KMT2E: variants seen among roughly 807,000 people sequenced by gnomAD.
The protein encoded by KMT2E is histone reader KMT2E.
A neutral mutation model predicts 184.6 loss-of-function variants in KMT2E; 30 were observed. That is an observed-to-expected ratio of 0.16 (90% CI 0.12 to 0.22). The LOEUF (loss-of-function observed/expected upper bound fraction) is 0.22, where lower values mean the gene tolerates loss of function less well. Ranked by LOEUF, KMT2E falls within the 10% of genes least tolerant of loss-of-function variation. KMT2E has a pLI of 1.00. For missense variants in KMT2E, 2,023 were observed against 2,237.4 expected (o/e 0.90, Z 1.93); for synonymous variants, 815 against 776.5 (o/e 1.05, Z -0.82).
chr7:105,042,461 A>G (rs763812621), intron 3 of KMT2E, among the ~76,000 whole-genome samples: 7 of 152,196 alleles, frequency 4.6e-5, no homozygotes, highest in Non-Finnish European at 1.5e-5. Context: ...AATGTGTTTT[A>G]TATAAAATAT....
In KMT2E at chr7:105,110,337, TC is replaced by T. The variant is rs1562934737; in HGVS notation, c.3814del (p.Leu1272SerfsTer83). ...AAAGGAGTTATCAGAGAGCTTTACT[TC>T]TCAGTGATCACCGAAAAGATAAAGA... is the stretch of plus-strand genomic sequence containing the variant. Reference protein sequence around the residue: ...RERSYQRALLLSDHRKDKDSG... With the variant: ...RERSYQRALLXSDHRKDKDSG... On this transcript the variant is annotated frameshift_variant, in exon 24 of 27. Transcript: ENST00000311117. LOFTEE classifies it high-confidence loss of function. 1 of 1,614,154 alleles carries T rather than the reference TC, an allele frequency of 6.2e-7. No individual in the cohort carries two copies. Among genetic ancestry groups the T allele is most frequent in the Non-Finnish European group, 8.5e-7 (1 of 1,180,004 alleles).
chr7:105,089,206 TG>T, intron 13 of KMT2E: 1 of 406,294 alleles, frequency 2.5e-6, no homozygotes, highest in South Asian at 1.7e-5. Context: ...AAACTTTTTT[TG>T]TTTTTTTTCT....
intron 1 of KMT2E, among the ~76,000 whole-genome samples, chr7:105,029,283 T>C (rs1381011722): frequency 6.6e-6 from 1 of 152,176 alleles, no homozygotes; most frequent in East Asian, 1.9e-4. Flanking sequence ...TGGATTGCCA[T>C]AGGTCATTTC....
intron 5 of KMT2E, chr7:105,064,174 T>G (rs1221799041): frequency 3.4e-6 from 1 of 292,500 alleles, no homozygotes. Flanking sequence ...GTTTTTTTTT[T>G]TTTTTTTTTT....
chr7:105,016,619 C>T (rs898724225), intron 1 of KMT2E, among the ~76,000 whole-genome samples: 1 of 152,092 alleles, frequency 6.6e-6, no homozygotes, highest in Non-Finnish European at 1.5e-5. Flanking sequence ...AATTCACTTT[C>T]GTAGTGGGAG....
intron 1 of KMT2E, among the ~76,000 whole-genome samples, chr7:105,015,110 C>A (rs1204010889): frequency 6.6e-6 from 1 of 152,130 alleles, no homozygotes; most frequent in Non-Finnish European, 1.5e-5. Context: ...GAGGGTAAAC[C>A]CGCCCCTGAA....
chr7:105,107,974 T>TTTCATAA, intron 22 of KMT2E, 49 bp downstream of exon 22: 8 of 1,263,948 alleles, frequency 6.3e-6, no homozygotes, highest in Non-Finnish European at 8.6e-6. Context: ...TTTTTTTTTT[T>TTTCATAA]TCATAATACT....
chr7:105,058,729 T>C (rs912334085), intron 3 of KMT2E, among the ~76,000 whole-genome samples: 1 of 152,228 alleles, frequency 6.6e-6, no homozygotes, highest in African/African-American at 2.4e-5. Context: ...ATATTGGGAA[T>C]AATTTCATTA....
At chr7:105,097,559 G>C (rs569237437) in intron 15 of KMT2E, among the ~76,000 whole-genome samples, 1 of 152,064 alleles carries the variant, frequency 6.6e-6, no homozygotes, top group South Asian at 2.1e-4. Flanking sequence ...CTAATTTTTT[G>C]TATCTTTAGT....
chr7:105,101,551 A>C lies in KMT2E; in HGVS notation c.1849A>C (p.Lys617Gln). ...TAKTEVKTEC[K>Q]DTQIVSDAEV... ...CAAAACTGAAGTTAAAACTGAATGT[A>C]AAGATACACAGATTGTCAGTGATGC... The change falls in exon 16 of 27, where the codon AAA becomes CAA. Residue 617 changes from lysine (K) to glutamine (Q), a missense_variant. By Grantham distance (53) the Lys-to-Gln change is moderately conservative. Transcript: ENST00000311117. The C allele has an allele frequency of 6.3e-7, 1 of 1,577,560 alleles. No homozygotes were observed. The highest frequency in any genetic ancestry group is 8.6e-7 in the Non-Finnish European group (1 of 1,167,374).
At chr7:105,067,175 T>A (rs573413527) in intron 6 of KMT2E, among the ~76,000 whole-genome samples, 1 of 152,088 alleles carries the variant, frequency 6.6e-6, no homozygotes, top group South Asian at 2.1e-4. Flanking sequence ...TACTATTATT[T>A]TTGTATTCTG....
intron 15 of KMT2E, among the ~76,000 whole-genome samples, chr7:105,098,851 G>A (rs1798532328): frequency 6.6e-6 from 1 of 152,118 alleles, no homozygotes; most frequent in South Asian, 2.1e-4. Flanking sequence ...AGATTTCATG[G>A]GAAATCTATC....
chr7:105,054,079 C>T (rs566643352), intron 3 of KMT2E, among the ~76,000 whole-genome samples: 1 of 151,204 alleles, frequency 6.6e-6, no homozygotes, highest in African/African-American at 2.4e-5. Flanking sequence ...GGCTGAGACA[C>T]GAGAATCACT....
At chr7:105,090,883 A>G (rs1247557574) in intron 14 of KMT2E, among the ~76,000 whole-genome samples, 1 of 152,182 alleles carries the variant, frequency 6.6e-6, no homozygotes, top group Non-Finnish European at 1.5e-5. Flanking sequence ...TCAACTGAAC[A>G]AACACTTTTT....
In KMT2E at chr7:105,110,877, A is replaced by G. The variant is rs771147742; in HGVS notation, c.4068+9A>G. ...CTCCAAAAATGAGCAAGGTAATAAC[A>G]TTGACCTTTCGATGGGTTCCAAAGG... On this transcript the variant is annotated intron_variant, in intron 26 of 26. Transcript: ENST00000311117. 58 of 1,594,142 alleles carry G rather than the reference A, an allele frequency of 3.6e-5. No homozygotes were observed. The South Asian group carries it at 6.2e-4, about 17-fold the overall frequency.
chr7:105,026,177 G>C (rs1795170587), intron 1 of KMT2E, among the ~76,000 whole-genome samples: 1 of 152,094 alleles, frequency 6.6e-6, no homozygotes. Flanking sequence ...TGTAAATTTA[G>C]ATTTCTGTAA....
At chr7:105,051,113 TTCCTTTCC>T (rs1176227851) in intron 3 of KMT2E, among the ~76,000 whole-genome samples, 2 of 151,742 alleles carry the variant, frequency 1.3e-5, no homozygotes, top group Non-Finnish European at 1.5e-5. Flanking sequence ...TCTCTCTTTC[TTCCTTTCC>T]TCCTTTCCTC....
chr7:105,029,751 T>A lies in KMT2E; in HGVS notation c.-188-8375T>A, dbSNP rs536030258. Among the ~76,000 whole-genome samples the A allele has an allele frequency of 2.6e-5, 4 of 152,244 alleles. No homozygotes were observed. In the South Asian group the frequency reaches 8.3e-4, roughly 32 times the overall value. On this transcript the variant is annotated intron_variant, in intron 1 of 26. Coordinates refer to ENST00000311117, the MANE Select transcript of KMT2E (RefSeq NM_182931.3). ...CACTTTGAAGGCTTGATTTTTGAAG[T>A]GATGGCAGATATAGATATACATCCA...
chr7:105,017,866 A>G (rs1233556557), intron 1 of KMT2E, among the ~76,000 whole-genome samples: 1 of 152,102 alleles, frequency 6.6e-6, no homozygotes, highest in Non-Finnish European at 1.5e-5. Flanking sequence ...GAGCCTTGAC[A>G]GGTCTCCATT....
Sources: allele counts gnomAD v4.1 joint callset (sites outside exome capture counted in the v4.1 genomes callset), GRCh38; gene constraint gnomAD v4.1.1; transcripts MANE v1.5; gene names NCBI Gene and HGNC (gene_info 2026-07-23, HGNC 2026-07-21).